MEIS3: variants seen among roughly 807,000 people sequenced by gnomAD.
The protein encoded by MEIS3 is Meis homeobox 3, also known as homeobox protein Meis3.
MEIS3 carries 38 observed loss-of-function variants against 51.4 expected under a neutral mutation model. The ratio of observed to expected loss-of-function variants is 0.74; its 90% confidence interval spans 0.57 to 0.97. MEIS3 has a LOEUF of 0.97. Ranked by LOEUF, MEIS3 falls within the 50% of genes least tolerant of loss-of-function variation. MEIS3 has a pLI of 0.00. For synonymous variants in MEIS3, 198 were observed against 201.8 expected (o/e 0.98, Z 0.16); for missense variants, 456 against 502.6 (o/e 0.91, Z 0.89).
At chr19:47,406,419 G>GTGCAA in intron 12 of MEIS3, 41 bp downstream of exon 12, 1 of 1,568,902 alleles carries the variant, frequency 6.4e-7, no homozygotes, top group South Asian at 1.1e-5. Flanking sequence ...TCTAATGGAG[G>GTGCAA]TTTGAGAATT....
At chr19:47,408,705 C>T (rs1970968641) in intron 8 of MEIS3, among the ~76,000 whole-genome samples, 2 of 152,054 alleles carry the variant, frequency 1.3e-5, no homozygotes, top group African/African-American at 4.8e-5. Context: ...GCCAGACTGC[C>T]TGCATTTGAA....
intron 12 of MEIS3, among the ~76,000 whole-genome samples, chr19:47,405,633 T>G (rs1326709351): frequency 1.3e-5 from 2 of 149,966 alleles, no homozygotes; most frequent in South Asian, 4.2e-4. Flanking sequence ...CACTGTAACC[T>G]CCGCCTCCTG....
In MEIS3 at chr19:47,403,455, T is replaced by C; in HGVS notation, c.*116A>G. The C allele has an allele frequency of 4.4e-6, 2 of 455,558 alleles. No individual in the cohort carries two copies. The highest frequency in any genetic ancestry group is 8.8e-6 in the Non-Finnish European group (2 of 226,878). 28.2% of individuals were successfully genotyped at this position (455,558 alleles called of 1,614,324 possible). A position where few individuals can be genotyped will look rare whatever the true frequency, so the allele number is the denominator to read the frequency against. On this transcript the variant is annotated 3_prime_UTR_variant, in exon 13 of 13. Coordinates refer to ENST00000558555, the MANE Select transcript of MEIS3 (RefSeq NM_001301059.2). ...CAGCAGGGCCCTAGGGAGGTAGGCATTGAGCAGAGGGGCCTTTGGAGGTGG... is the reference window on the plus strand; with the variant it reads ...CAGCAGGGCCCTAGGGAGGTAGGCACTGAGCAGAGGGGCCTTTGGAGGTGG...
chr19:47,420,522 A>AGAGAGAGAGAGACAGACGCGGGTGGGAG (rs1491279613), upstream of MEIS3, among the ~76,000 whole-genome samples: 27 of 76,270 alleles, frequency 3.5e-4, no homozygotes, highest in African/African-American at 2.5e-3. Context: ...GGTGTGATTC[A>AGAGAGAGAGAGACAGACGCGGGTGGGAG]GAGAGAGAGA....
At chr19:47,403,896 G>GGA (rs1385789350) in intron 12 of MEIS3, among the ~76,000 whole-genome samples, 1 of 151,902 alleles carries the variant, frequency 6.6e-6, no homozygotes. Flanking sequence ...TAGACGAAAT[G>GGA]GAGAGAGAGA....
At chr19:47,410,719 T>C (rs1971092658) in intron 6 of MEIS3, among the ~76,000 whole-genome samples, 1 of 151,650 alleles carries the variant, frequency 6.6e-6, no homozygotes, top group South Asian at 2.1e-4. Flanking sequence ...TGAGCCGAGA[T>C]CACACCAATG....
In MEIS3 at chr19:47,406,900, C is replaced by A. The variant is rs148464543; in HGVS notation, c.1066G>T (p.Val356Phe). The A allele has an allele frequency of 3.2e-6, 5 of 1,573,780 alleles. No homozygotes were observed. Among genetic ancestry groups the A allele is most frequent in the African/African-American group, 2.7e-5 (2 of 74,204 alleles). The change falls in exon 11 of 13, where the codon GTC becomes TTC. Residue 356 changes from valine to phenylalanine, a missense_variant. Transcript: ENST00000558555. ...GYTETQPHVA[V>F]RPPGSVGMSL... ...GGGCGAGGCTTACCCGGAGGCCGGA[C>A]GGCCACGTGTGGCTGCGTCTCGGTA...
chr19:47,406,690 AT>A (rs1970834930), intron 11 of MEIS3, among the ~76,000 whole-genome samples, 164 bp from the exon 12 acceptor site: 1 of 152,222 alleles, frequency 6.6e-6, no homozygotes, highest in African/African-American at 2.4e-5. Context: ...CTTCCGAGGT[AT>A]TGGGCTTGAA....
intron 1 of MEIS3, 74 bp downstream of exon 1, chr19:47,418,996 G>T: frequency 9.7e-7 from 1 of 1,033,952 alleles, no homozygotes; most frequent in Non-Finnish European, 1.2e-6. Flanking sequence ...GGGGGCCAGC[G>T]CCGGAGAGTG....
chr19:47,408,147 A>G (rs1019557963), intron 8 of MEIS3, among the ~76,000 whole-genome samples: 3 of 150,454 alleles, frequency 2.0e-5, no homozygotes, highest in African/African-American at 7.4e-5. Context: ...CTTTTTTTTA[A>G]ACAGGGTCTC....
upstream of MEIS3, among the ~76,000 whole-genome samples, chr19:47,420,904 T>TCACACACA (rs1416883609): frequency 2.5e-4 from 23 of 92,734 alleles, no homozygotes; most frequent in East Asian, 1.2e-3. Flanking sequence ...TCTCTCTCTC[T>TCACACACA]CTCTCTCACA....
In MEIS3 at chr19:47,403,178, TA is replaced by T. The variant is rs1230024008; in HGVS notation, c.*392del. 3.1e-5 allele frequency: 7 copies of T among 223,268 alleles called. No individual in the cohort carries two copies. Among genetic ancestry groups the T allele is most frequent in the Non-Finnish European group, 2.7e-5 (3 of 109,536 alleles). The allele number at this position is 223,268 out of a possible 1,614,324, so 13.8% of individuals were successfully genotyped here. A position where few individuals can be genotyped will look rare whatever the true frequency, so the allele number is the denominator to read the frequency against. On this transcript the variant is annotated 3_prime_UTR_variant, in exon 13 of 13. Coordinates refer to ENST00000558555, the MANE Select transcript of MEIS3 (RefSeq NM_001301059.2). ...AAAAGAAGAAATTAGAGAAGGGAGG[TA>T]GGGGGGACAGGAGAGTGAAGGAATC... is the stretch of plus-strand genomic sequence containing the variant.
rs1971605190 is a variant in MEIS3, at chr19:47,419,113, T to C, written c.-32A>G. On this transcript the variant is annotated 5_prime_UTR_variant, in exon 1 of 13. Transcript: ENST00000558555. Reference sequence around the variant, plus strand: ...AGGCCGGCGGCAGCTCCTGGGTCCCTCCAGAGCCTGGCCGCGGGGGAGGGC... The same window carrying C: ...AGGCCGGCGGCAGCTCCTGGGTCCCCCCAGAGCCTGGCCGCGGGGGAGGGC... 10 of 1,229,608 alleles carry C rather than the reference T, an allele frequency of 8.1e-6. No homozygotes were observed. The highest frequency in any genetic ancestry group is 4.0e-5 in the South Asian group (1 of 24,806). 76.2% of individuals were successfully genotyped at this position (1,229,608 alleles called of 1,614,324 possible).
In MEIS3 at chr19:47,414,883, G is replaced by A. The variant is rs780348243; in HGVS notation, c.448-17C>T. 4.5e-6 allele frequency: 7 copies of A among 1,566,902 alleles called. No homozygotes were observed. In the Admixed American group the frequency reaches 1.2e-4, roughly 26 times the overall value. ...GTCGTGGACCTGGGGGGGCACCGGGGTACTGGGGGGGGCCACCCACGGGGG... is the reference window on the plus strand; with the variant it reads ...GTCGTGGACCTGGGGGGGCACCGGGATACTGGGGGGGGCCACCCACGGGGG... On this transcript the variant is annotated splice_polypyrimidine_tract_variant and intron_variant, in intron 5 of 12. Transcript: ENST00000558555.
chr19:47,419,102 T>C lies in MEIS3; in HGVS notation c.-21A>G, dbSNP rs1971604538. On this transcript the variant is annotated 5_prime_UTR_variant, in exon 1 of 13. Coordinates refer to ENST00000558555, the MANE Select transcript of MEIS3 (RefSeq NM_001301059.2). ...GCCATGGGCTGAGGCCGGCGGCAGC[T>C]CCTGGGTCCCTCCAGAGCCTGGCCG... The C allele has an allele frequency of 3.3e-5, 41 of 1,240,470 alleles. No homozygotes were observed. Among genetic ancestry groups the C allele is most frequent in the Non-Finnish European group, 4.1e-5 (41 of 993,436 alleles). The allele number at this position is 1,240,470 out of a possible 1,614,324, so 76.8% of individuals were successfully genotyped here. A position where few individuals can be genotyped will look rare whatever the true frequency, so the allele number is the denominator to read the frequency against.
In MEIS3 at chr19:47,417,403, C is replaced by T. The variant is rs546486498; in HGVS notation, c.13-53G>A. ...GAGCCCCAGGGAGGGGTCAGCACCC[C>T]GAGACTCGGCTGAGGAGCTTCTCTA... On this transcript the variant is annotated intron_variant, in intron 1 of 12. Transcript: ENST00000558555. 52 of 1,600,834 alleles carry T rather than the reference C, an allele frequency of 3.2e-5. 1 individual carries two copies. The East Asian group carries it at 3.8e-4, about 12-fold the overall frequency.
At chr19:47,405,769 C>T (rs1176291454) in intron 12 of MEIS3, among the ~76,000 whole-genome samples, 1 of 152,046 alleles carries the variant, frequency 6.6e-6, no homozygotes, top group Non-Finnish European at 1.5e-5. Context: ...AGGCTGGTCT[C>T]GAACTTCTGA....
chr19:47,404,754 G>A (rs1016669114), intron 12 of MEIS3, among the ~76,000 whole-genome samples: 5 of 151,780 alleles, frequency 3.3e-5, no homozygotes, highest in Non-Finnish European at 5.9e-5. Flanking sequence ...TCCAACACCC[G>A]CCCCCTGTGA....
chr19:47,413,872 CA>C (rs1040816692), intron 6 of MEIS3, among the ~76,000 whole-genome samples: 6 of 151,692 alleles, frequency 4.0e-5, no homozygotes, highest in African/African-American at 1.5e-4. Context: ...GGACTACAGG[CA>C]CCCGCCACCA....
Sources: gnomAD v4.1 joint callset for allele counts (sites outside exome capture counted in the v4.1 genomes callset) on GRCh38, gnomAD v4.1.1 for gene constraint, MANE v1.5 for transcripts, NCBI Gene and HGNC (gene_info 2026-07-23, HGNC 2026-07-21) for gene names.